EPB41L4A: variants seen among roughly 807,000 people sequenced by gnomAD.
EPB41L4A encodes band 4.1-like protein 4A.
EPB41L4A carries 100 observed loss-of-function variants against 108.6 expected under a neutral mutation model. The observed-to-expected ratio is 0.92, with a 90% CI of 0.78 to 1.09. EPB41L4A has a LOEUF of 1.09. Among genes scored for constraint, EPB41L4A ranks in the 50% least tolerant of loss-of-function variants. The probability of loss-of-function intolerance (pLI) is 0.00; values close to 1 mark genes in which losing one functional copy is unlikely to be tolerated. For missense variants in EPB41L4A, 1,030 were observed against 842.7 expected (o/e 1.22, Z -2.75); for synonymous variants, 319 against 289.0 (o/e 1.10, Z -1.05).
chr5:112,325,212 C>T (rs1482183597), intron 1 of EPB41L4A, among the ~76,000 whole-genome samples: 1 of 152,116 alleles, frequency 6.6e-6, no homozygotes, highest in African/African-American at 2.4e-5. Flanking sequence ...GAAGCTGAGG[C>T]GGGCAGATCA....
Position 112,328,217 on chromosome 5 carries a change from G to A in EPB41L4A, c.100-20727C>T, listed in dbSNP as rs139541111. Among the ~76,000 whole-genome samples the A allele has an allele frequency of 3.4e-3, 521 of 152,192 alleles. 1 individual carries two copies. The highest frequency in any genetic ancestry group is 0.012 in the African/African-American group (484 of 41,534). ...CCAGCTACTTTGGAACCTGAAGCAG[G>A]AGAATCACTTGAACCCAGGGGGCAG... On this transcript the variant is annotated intron_variant, in intron 1 of 22. Transcript: ENST00000261486.
chr5:112,174,675 T>C (rs1041212712), intron 18 of EPB41L4A, among the ~76,000 whole-genome samples: 2 of 152,186 alleles, frequency 1.3e-5, no homozygotes, highest in African/African-American at 4.8e-5. Context: ...TATTCAACTA[T>C]ATTATCTAAA....
At chr5:112,151,522 C>T (rs1759469164) in intron 12 of EPB41L4A, among the ~76,000 whole-genome samples, 1 of 151,892 alleles carries the variant, frequency 6.6e-6, no homozygotes, top group African/African-American at 2.4e-5. Context: ...ATCCTCCTGC[C>T]TCAGTCTCCA....
intron 12 of EPB41L4A, among the ~76,000 whole-genome samples, chr5:112,153,777 AGAG>A (rs1277344060): frequency 6.6e-6 from 1 of 151,392 alleles, no homozygotes; most frequent in African/African-American, 2.4e-5. Flanking sequence ...GCATACAAGT[AGAG>A]ACCACAGAAT....
intron 1 of EPB41L4A, among the ~76,000 whole-genome samples, chr5:112,369,811 C>A (rs1414117710): frequency 1.3e-5 from 2 of 152,242 alleles, no homozygotes; most frequent in Non-Finnish European, 2.9e-5. Context: ...CAGACTGGAA[C>A]AAAAGCCACT....
intron 1 of EPB41L4A, among the ~76,000 whole-genome samples, chr5:112,341,261 C>T (rs1285392402): frequency 1.3e-5 from 2 of 152,164 alleles, no homozygotes; most frequent in Admixed American, 1.3e-4. Context: ...TGCTTATCAA[C>T]TTCCAAAAAT....
intron 1 of EPB41L4A, among the ~76,000 whole-genome samples, chr5:112,406,072 G>A (rs1043617420): frequency 1.4e-4 from 21 of 152,122 alleles, no homozygotes; most frequent in Admixed American, 3.9e-4. Context: ...AACTGCTGGA[G>A]AACATGATGT....
chr5:112,392,738 A>C lies in EPB41L4A; in HGVS notation c.99+26203T>G, dbSNP rs1000432756. On this transcript the variant is annotated intron_variant, in intron 1 of 22. Coordinates refer to ENST00000261486, the MANE Select transcript of EPB41L4A (RefSeq NM_022140.5). The stretch of plus-strand genomic sequence containing the variant: ...TTGAACTCACCTCTGCACCAAGTGG[A>C]CCTAATAGACATCTACAGAACTCTC... 12 of 152,308 alleles carry C rather than the reference A, an allele frequency of 7.9e-5. No homozygotes were observed. In the East Asian group the frequency reaches 2.1e-3, roughly 27 times the overall value. The allele number at this position is 152,308 out of a possible 1,614,324, so 9.4% of individuals were successfully genotyped here.
chr5:112,288,254 C>T (rs1753413248), intron 2 of EPB41L4A, among the ~76,000 whole-genome samples: 2 of 152,148 alleles, frequency 1.3e-5, no homozygotes, highest in Non-Finnish European at 2.9e-5. Context: ...TATTCCAGAG[C>T]AATCTGTGGG....
intron 2 of EPB41L4A, among the ~76,000 whole-genome samples, chr5:112,282,637 G>A (rs572487105): frequency 5.9e-5 from 9 of 152,298 alleles, no homozygotes; most frequent in South Asian, 2.1e-4. Context: ...TTATGGATGC[G>A]TTATTAGAGG....
chr5:112,361,984 G>C (rs1447047979), intron 1 of EPB41L4A, among the ~76,000 whole-genome samples: 1 of 152,092 alleles, frequency 6.6e-6, no homozygotes, highest in East Asian at 1.9e-4. Flanking sequence ...GATAAACCAA[G>C]CCATTGATAT....
intron 1 of EPB41L4A, among the ~76,000 whole-genome samples, chr5:112,348,128 C>T (rs1379284305): frequency 6.6e-6 from 1 of 152,172 alleles, no homozygotes; most frequent in East Asian, 1.9e-4. Flanking sequence ...ACACTTTTCT[C>T]TATGTCACTC....
intron 12 of EPB41L4A, among the ~76,000 whole-genome samples, chr5:112,211,649 G>A (rs1453130594): frequency 6.6e-6 from 1 of 151,444 alleles, no homozygotes; most frequent in Non-Finnish European, 1.5e-5. Flanking sequence ...GAACACTTCA[G>A]AGCAAGGCAA....
intron 1 of EPB41L4A, among the ~76,000 whole-genome samples, chr5:112,373,869 G>A (rs1759643016): frequency 6.6e-6 from 1 of 152,184 alleles, no homozygotes; most frequent in Non-Finnish European, 1.5e-5. Flanking sequence ...ATATTTTTAT[G>A]GTTTCCACAG....
chr5:112,193,332 C>A (rs996051167), intron 17 of EPB41L4A, among the ~76,000 whole-genome samples: 1 of 152,088 alleles, frequency 6.6e-6, no homozygotes, highest in Non-Finnish European at 1.5e-5. Flanking sequence ...GATGAAGTTT[C>A]TCTCTTGCTG....
chr5:112,224,108 C>T (rs971318993), intron 12 of EPB41L4A, among the ~76,000 whole-genome samples: 2 of 152,066 alleles, frequency 1.3e-5, no homozygotes, highest in Non-Finnish European at 2.9e-5. Flanking sequence ...CCTGCCACTG[C>T]GTCCGGCTAA....
intron 1 of EPB41L4A, among the ~76,000 whole-genome samples, chr5:112,383,721 C>A (rs1389080016): frequency 2.7e-5 from 4 of 150,916 alleles, no homozygotes; most frequent in Non-Finnish European, 5.9e-5. Context: ...GGTACACTAA[C>A]AGACAAATCA....
intron 9 of EPB41L4A, among the ~76,000 whole-genome samples, chr5:112,247,611 C>G (rs767766521): frequency 6.6e-6 from 1 of 152,088 alleles, no homozygotes; most frequent in Non-Finnish European, 1.5e-5. Flanking sequence ...AATATCAAAA[C>G]TTATTTAATT....
chr5:112,253,599 T>C (rs1245605618), intron 9 of EPB41L4A, among the ~76,000 whole-genome samples: 4 of 152,182 alleles, frequency 2.6e-5, no homozygotes, highest in Admixed American at 2.6e-4. Flanking sequence ...ATACTGCAGT[T>C]ACATCGGAAT....
Sources: allele counts gnomAD v4.1 joint callset (sites outside exome capture counted in the v4.1 genomes callset), GRCh38; gene constraint gnomAD v4.1.1; transcripts MANE v1.5; gene names NCBI Gene and HGNC (gene_info 2026-07-23, HGNC 2026-07-21).